UBR1: variants seen among roughly 807,000 people sequenced by gnomAD.
UBR1 encodes E3 ubiquitin-protein ligase UBR1.
UBR1 carries 102 observed loss-of-function variants against 242.1 expected under a neutral mutation model. That is an observed-to-expected ratio of 0.42 (90% confidence interval 0.36 to 0.50). UBR1 has a LOEUF of 0.50. Ranked by LOEUF, UBR1 falls within the 20% of genes least tolerant of loss-of-function variation. UBR1 has a pLI of 0.01. For missense variants in UBR1, 1,772 were observed against 2,101.8 expected, an observed-to-expected ratio of 0.84 and a Z score of 3.07; for synonymous variants, 675 against 684.8, an observed-to-expected ratio of 0.99 and a Z score of 0.22.
At chr15:43,032,662 T>C (rs1467699569) in intron 19 of UBR1, 31 bp from the exon 20 acceptor site, 6 of 1,359,292 alleles carry the variant, frequency 4.4e-6, no homozygotes, top group Admixed American at 1.8e-5. Flanking sequence ...AAATTAGTTA[T>C]GGAAGAACCA....
intron 12 of UBR1, among the ~76,000 whole-genome samples, chr15:43,053,289 A>C (rs530668394): frequency 2.0e-5 from 3 of 152,354 alleles, no homozygotes; most frequent in Admixed American, 6.5e-5. Context: ...GATTAGCTAT[A>C]GTCAGAGACT....
chr15:43,072,045 C>T (rs932227233), intron 4 of UBR1, among the ~76,000 whole-genome samples: 3 of 152,112 alleles, frequency 2.0e-5, no homozygotes, highest in Admixed American at 6.6e-5. Context: ...CCACACCTAG[C>T]TAATTTTAAA....
intron 40 of UBR1, among the ~76,000 whole-genome samples, chr15:42,969,381 A>C (rs2032165244): frequency 6.6e-6 from 1 of 152,018 alleles, no homozygotes; most frequent in Non-Finnish European, 1.5e-5. Context: ...TTTTCTTGTA[A>C]ATTTGTTTAA....
In UBR1 at chr15:43,002,616, A is replaced by G. The variant is rs1268583387; in HGVS notation, c.3598T>C (p.Cys1200Arg). The G allele has an allele frequency of 1.9e-6, 3 of 1,614,070 alleles. No individual in the cohort carries two copies. Among genetic ancestry groups the G allele is most frequent in the Non-Finnish European group, 1.7e-6 (2 of 1,180,036 alleles). The change falls in exon 32 of 47, where the codon TGC becomes CGC. Residue 1200 changes from cysteine to arginine, a missense_variant. Cys to Arg is a radical substitution (Grantham distance 180). Around this residue, in one of 3 missense-constraint regions of UBR1, gnomAD observed 965 missense variants for 1,079.7 expected, o/e 0.89. Coordinates refer to ENST00000290650, the MANE Select transcript of UBR1 (RefSeq NM_174916.3). ...ATCACAGTATTGCACAGAGATTTGC[A>G]AAGAGGGCAAAGATATTCTCCACTT... The part of the protein sequence containing the change: ...LESGEYLCPL[C>R]KSLCNTVIPI...
At chr15:42,963,266 G>C (rs1373969698) in intron 42 of UBR1, among the ~76,000 whole-genome samples, 1 of 151,444 alleles carries the variant, frequency 6.6e-6, no homozygotes, top group Non-Finnish European at 1.5e-5. Context: ...TACTGACCTG[G>C]GTATTTAAAA....
chr15:42,980,304 A>G (rs573221698), intron 37 of UBR1, among the ~76,000 whole-genome samples: 15 of 152,362 alleles, frequency 9.8e-5, no homozygotes, highest in South Asian at 2.1e-4. Context: ...CATTTTAACT[A>G]TGGGTTAAGC....
Position 43,061,912 on chromosome 15 carries a change from C to A in UBR1, c.799-1798G>T, listed in dbSNP as rs554018718. Among the ~76,000 whole-genome samples, 81 of 151,876 alleles carry A rather than the reference C, an allele frequency of 5.3e-4. 2 individuals are homozygous for A. The highest frequency in any genetic ancestry group is 4.6e-4 in the Admixed American group (7 of 15,230). Reference sequence around the variant, plus strand: ...AATCTCACAAATCACCATTAAAGAACTTGCTCATGTAACCAAATACCACCT... The same window carrying A: ...AATCTCACAAATCACCATTAAAGAAATTGCTCATGTAACCAAATACCACCT... On this transcript the variant is annotated intron_variant, in intron 6 of 46. Transcript: ENST00000290650.
chr15:43,101,532 T>C lies in UBR1; in HGVS notation c.81+4410A>G, dbSNP rs564244343. Among the ~76,000 whole-genome samples the C allele has an allele frequency of 3.9e-5, 6 of 152,184 alleles. No homozygotes were observed. In the South Asian group the frequency reaches 1.2e-3, roughly 32 times the overall value. On this transcript the variant is annotated intron_variant, in intron 1 of 46. Transcript: ENST00000290650. ...CCTAAAATCTTGTCTTTCCTCTCAATATATGACACAACCAAGGCCAGGTGC... is the reference window on the plus strand; with the variant it reads ...CCTAAAATCTTGTCTTTCCTCTCAACATATGACACAACCAAGGCCAGGTGC...
rs556816923 is a variant in UBR1 at position 43,093,784 on chromosome 15, C to T, written c.82-7544G>A. Among the ~76,000 whole-genome samples the T allele has an allele frequency of 3.6e-3, 476 of 133,686 alleles. 2 individuals carry two copies. Among genetic ancestry groups the T allele is most frequent in the Non-Finnish European group, 6.0e-3 (385 of 64,330 alleles). 87.7% of individuals were successfully genotyped at this position (133,686 alleles called of 152,430 possible). A position where few individuals can be genotyped will look rare whatever the true frequency, so the allele number is the denominator to read the frequency against. On this transcript the variant is annotated intron_variant, in intron 1 of 46. Transcript: ENST00000290650. Reference sequence around the variant, plus strand: ...CAGCCTGGGGAACAGAGTGAGGCTCCGTCTCCAAAAAAAAAAAAAAAAAAA... The same window carrying T: ...CAGCCTGGGGAACAGAGTGAGGCTCTGTCTCCAAAAAAAAAAAAAAAAAAA...
At chr15:42,955,577 A>G (rs116103891) in intron 44 of UBR1, among the ~76,000 whole-genome samples, 1 of 152,226 alleles carries the variant, frequency 6.6e-6, no homozygotes, top group African/African-American at 2.4e-5. Context: ...GTGGTTTGCT[A>G]TGGGAGGTGA....
intron 12 of UBR1, among the ~76,000 whole-genome samples, chr15:43,050,020 T>C (rs1381757106): frequency 1.3e-5 from 2 of 152,090 alleles, no homozygotes; most frequent in Admixed American, 6.6e-5. Context: ...GGTGCAATCA[T>C]AGCTCACCAC....
rs1321401571 is a variant in UBR1, at chr15:43,056,288, T to C, written c.1281+56A>G. ...TTGATTCAACATTAAGTGGAATTCT[T>C]ACAAAGCAAAACAAGTTTTACTTAG... is the stretch of plus-strand genomic sequence containing the variant. On this transcript the variant is annotated intron_variant, in intron 11 of 46. Coordinates refer to ENST00000290650, the MANE Select transcript of UBR1 (RefSeq NM_174916.3). 5.2e-6 allele frequency: 7 copies of C among 1,352,800 alleles called. No homozygotes were observed. The African/African-American group carries it at 8.6e-5, about 17-fold the overall frequency. 83.8% of individuals were successfully genotyped at this position (1,352,800 alleles called of 1,614,324 possible).
At chr15:43,002,359 C>T (rs375494886) in intron 32 of UBR1, among the ~76,000 whole-genome samples, 196 bp downstream of exon 32, 13 of 151,978 alleles carry the variant, frequency 8.6e-5, no homozygotes, top group East Asian at 1.9e-4. Flanking sequence ...GGTCTACAGG[C>T]GTGTGCCACC....
chr15:43,093,037 G>C (rs62020752), intron 1 of UBR1, among the ~76,000 whole-genome samples: 2,034 of 150,618 alleles, frequency 0.014, 14 homozygotes, highest in Admixed American at 0.022. Context: ...ACCAAGTCCA[G>C]GAAAAAAAAA....
At chr15:43,091,127 G>A (rs144643607) in intron 1 of UBR1, among the ~76,000 whole-genome samples, 129 of 152,096 alleles carry the variant, frequency 8.5e-4, no homozygotes, top group Middle Eastern at 3.4e-3. Flanking sequence ...TAGTAGAGAC[G>A]GGGTTTTTCC....
chr15:43,085,210 T>C (rs921370527), intron 2 of UBR1, among the ~76,000 whole-genome samples: 3 of 152,360 alleles, frequency 2.0e-5, no homozygotes, highest in Admixed American at 2.0e-4. Context: ...TTAAATGACA[T>C]GCGACTACAG....
Position 43,060,824 on chromosome 15 carries a change from A to G in UBR1, c.799-710T>C, listed in dbSNP as rs74385913. Among the ~76,000 whole-genome samples, 267 of 152,278 alleles carry G rather than the reference A, an allele frequency of 1.8e-3. 4 individuals are homozygous for G. Among genetic ancestry groups the G allele is most frequent in the South Asian group, 7.9e-3 (38 of 4,830 alleles). ...GATCCATGACAAGCATTTCATCTCC[A>G]GAGTCTGTACTTTTAACCATCCTGT... On this transcript the variant is annotated intron_variant, in intron 6 of 46. Coordinates refer to ENST00000290650, the MANE Select transcript of UBR1 (RefSeq NM_174916.3).
At chr15:43,091,799 G>A (rs1264942436) in intron 1 of UBR1, among the ~76,000 whole-genome samples, 2 of 150,392 alleles carry the variant, frequency 1.3e-5, no homozygotes, top group Admixed American at 1.3e-4. Flanking sequence ...AGGTGTGGTG[G>A]TGCGCATCTG....
chr15:42,981,469 A>C (rs989025693), intron 37 of UBR1, among the ~76,000 whole-genome samples: 1 of 152,046 alleles, frequency 6.6e-6, no homozygotes, highest in African/African-American at 2.4e-5. Flanking sequence ...AGAGTCCCAA[A>C]GCGATTTCTT....
Sources: allele counts gnomAD v4.1 joint callset (sites outside exome capture counted in the v4.1 genomes callset), GRCh38; gene constraint gnomAD v4.1.1; regional missense constraint gnomAD v4.1.1; transcripts MANE v1.5; gene names NCBI Gene and HGNC (gene_info 2026-07-23, HGNC 2026-07-21).